KCNMB3: variants seen among roughly 807,000 people sequenced by gnomAD.
KCNMB3 encodes the protein calcium-activated potassium channel subunit beta-3.
Under a neutral mutation model 11.9 loss-of-function variants are expected in KCNMB3, and 18 were observed. That is an observed-to-expected ratio of 1.51 (90% CI 1.04 to 2.23). The LOEUF (loss-of-function observed/expected upper bound fraction) is 2.23. Ranked by LOEUF, KCNMB3 falls within the 30% of genes most tolerant of loss-of-function variation. The pLI, the probability that KCNMB3 is intolerant of heterozygous loss-of-function variation, is 0.00. For missense variants in KCNMB3, 247 were observed against 329.4 expected (o/e 0.75, Z 1.94); for synonymous variants, 78 against 119.2 (o/e 0.65, Z 2.25).
intron 1 of KCNMB3, among the ~76,000 whole-genome samples, chr3:179,265,615 G>A (rs997858135): frequency 1.2e-4 from 18 of 152,044 alleles, no homozygotes; most frequent in Non-Finnish European, 2.9e-5. Context: ...CCACCACCAT[G>A]CCCAGCTAAT....
upstream of KCNMB3, among the ~76,000 whole-genome samples, chr3:179,254,799 C>A (rs1725959361): frequency 6.6e-6 from 1 of 151,808 alleles, no homozygotes; most frequent in Non-Finnish European, 1.5e-5. Context: ...AGACTCGTCT[C>A]AAATAAAATA....
downstream of KCNMB3, chr3:179,240,180 C>T (rs1440223614): frequency 1.7e-5 from 11 of 657,728 alleles, no homozygotes; most frequent in Admixed American, 3.3e-5. Context: ...AAAAGCAAGC[C>T]GGTGTTGCTA....
At chr3:179,264,748 C>T (rs931366705) in intron 1 of KCNMB3, among the ~76,000 whole-genome samples, 1 of 152,188 alleles carries the variant, frequency 6.6e-6, no homozygotes, top group Non-Finnish European at 1.5e-5. Context: ...TGCTGTGGCT[C>T]ATCAAAACTT....
At chr3:179,261,246 G>A (rs1306235579) in intron 1 of KCNMB3, 5 of 1,317,054 alleles carry the variant, frequency 3.8e-6, no homozygotes, top group Non-Finnish European at 3.0e-6. Context: ...TAGATCTCCC[G>A]GCTCTGCGTG....
chr3:179,257,208 A>T (rs916086654), intron 1 of KCNMB3, among the ~76,000 whole-genome samples: 2 of 152,244 alleles, frequency 1.3e-5, no homozygotes, highest in African/African-American at 4.8e-5. Flanking sequence ...CTAGATTTAA[A>T]TACATATAGA....
chr3:179,259,613 T>C, intron 1 of KCNMB3: 1 of 1,608,488 alleles, frequency 6.2e-7, no homozygotes, highest in Non-Finnish European at 8.5e-7. Context: ...CAGTAGACTT[T>C]ACCTGCTCTT....
intron 1 of KCNMB3, among the ~76,000 whole-genome samples, chr3:179,262,455 G>A (rs1726245664): frequency 6.6e-6 from 1 of 152,210 alleles, no homozygotes; most frequent in Admixed American, 6.5e-5. Flanking sequence ...CCTTCGCAGT[G>A]AGTGTTACAG....
chr3:179,259,356 T>C (rs951902075), intron 1 of KCNMB3: 9 of 1,567,390 alleles, frequency 5.7e-6, no homozygotes, highest in Non-Finnish European at 7.7e-6. Flanking sequence ...AACACCTTCA[T>C]CTAATTCTTC....
At chr3:179,247,390 A>G (rs538660371) in intron 1 of KCNMB3, among the ~76,000 whole-genome samples, 1 of 152,136 alleles carries the variant, frequency 6.6e-6, no homozygotes, top group African/African-American at 2.4e-5. Context: ...AAAAAGAGGA[A>G]AAAAAGACAG....
intron 1 of KCNMB3, chr3:179,260,644 G>C (rs925021067): frequency 3.8e-6 from 5 of 1,330,958 alleles, no homozygotes; most frequent in African/African-American, 1.4e-5. Flanking sequence ...TGAGAGTGTC[G>C]GAAGTCTCTC....
rs549736441 is a variant in KCNMB3, at chr3:179,262,382, T to C, written c.62+4267A>G. ...GTTATAGCTCTTAAGGCGGCGCCTC[T>C]GGAGTTGTTCATTCCTCCCGATGGG... On this transcript the variant is annotated intron_variant, in intron 1 of 3. Coordinates refer to the KCNMB3 transcript ENST00000349697. 5.1e-4 allele frequency among the ~76,000 whole-genome samples: 77 copies of C among 152,202 alleles called. 1 individual carries two copies. In the South Asian group the frequency reaches 5.2e-3, roughly 10 times the overall value.
At chr3:179,265,967 A>G (rs1179125042) in intron 1 of KCNMB3, among the ~76,000 whole-genome samples, 1 of 152,190 alleles carries the variant, frequency 6.6e-6, no homozygotes, top group Non-Finnish European at 1.5e-5. Flanking sequence ...TAAGGAGAAG[A>G]GTAGGGTGGG....
At chr3:179,247,688 G>A (rs1725691624) in intron 1 of KCNMB3, among the ~76,000 whole-genome samples, 1 of 152,138 alleles carries the variant, frequency 6.6e-6, no homozygotes, top group African/African-American at 2.4e-5. Context: ...ATCAGGAGCA[G>A]CACAGCTTCT....
chr3:179,244,101 G>A (rs757097218), intron 2 of KCNMB3, among the ~76,000 whole-genome samples: 27 of 152,214 alleles, frequency 1.8e-4, no homozygotes, highest in Middle Eastern at 6.8e-3. Flanking sequence ...TGAACCCATT[G>A]TGTAACTTAC....
chr3:179,259,915 C>T (rs1726149318), intron 1 of KCNMB3: 2 of 1,613,410 alleles, frequency 1.2e-6, no homozygotes, highest in African/African-American at 2.7e-5. Flanking sequence ...GGTTTCTCAT[C>T]CCTTAATCCT....
chr3:179,257,250 A>T (rs1726040649), intron 1 of KCNMB3, among the ~76,000 whole-genome samples: 1 of 152,218 alleles, frequency 6.6e-6, no homozygotes, highest in Admixed American at 6.5e-5. Flanking sequence ...TTCCACTTGC[A>T]ATTTTTTTTA....
chr3:179,246,858 C>A (rs1424217814), intron 1 of KCNMB3, among the ~76,000 whole-genome samples: 1 of 152,112 alleles, frequency 6.6e-6, no homozygotes, highest in Non-Finnish European at 1.5e-5. Context: ...ATGCACAAGG[C>A]CCCGGTCAGA....
upstream of KCNMB3, among the ~76,000 whole-genome samples, chr3:179,253,922 C>T (rs1725930938): frequency 6.6e-6 from 1 of 152,084 alleles, no homozygotes. Context: ...ACTAGACACC[C>T]ACTCTAACTA....
intron 1 of KCNMB3, chr3:179,266,534 G>A (rs1264348049): frequency 1.2e-5 from 14 of 1,207,488 alleles, no homozygotes; most frequent in African/African-American, 1.5e-5. Flanking sequence ...TGGCAAGTGG[G>A]CATCCTCAGA....
Sources: gnomAD v4.1 joint callset for allele counts (sites outside exome capture counted in the v4.1 genomes callset) on GRCh38, gnomAD v4.1.1 for gene constraint, MANE v1.5 for transcripts, NCBI Gene and HGNC (gene_info 2026-07-23, HGNC 2026-07-21) for gene names.